The following ADGRD1 variants were observed in gnomAD, a reference collection of about 807,000 sequenced individuals.
ADGRD1 encodes the protein G-protein coupled receptor 133.
In ADGRD1, 77 loss-of-function variants were observed where a neutral mutation model predicts 113.4. The observed-to-expected ratio is 0.68, with a 90% CI of 0.57 to 0.82. The LOEUF is 0.82. Among genes scored for constraint, ADGRD1 ranks in the 40% least tolerant of loss-of-function variants. The pLI is 0.00. For synonymous variants in ADGRD1, 474 were observed against 475.0 expected, an observed-to-expected ratio of 1.00 and a Z score of 0.03; for missense variants, 1,036 against 1,139.1, an observed-to-expected ratio of 0.91 and a Z score of 1.30.
Position 131,096,656 on chromosome 12 carries a change from A to C in ADGRD1, c.1672-8175A>C, listed in dbSNP as rs562893490. On this transcript the variant is annotated intron_variant, in intron 15 of 24. Transcript: ENST00000261654. This position sits in a 1 kb window ranked among gnomAD's most constrained non-coding sequence, Gnocchi z 5.2. ...TTACATCCCGCCTCCATCTGTGAGG[A>C]TGGGTTCCCGTGGGGCACTGCCGGT... Among the ~76,000 whole-genome samples, 1 of 151,938 alleles carries C rather than the reference A, an allele frequency of 6.6e-6. No homozygotes were observed. The highest frequency in any genetic ancestry group is 2.1e-4 in the South Asian group (1 of 4,728).
Position 131,048,514 on chromosome 12 carries a change from G to C in ADGRD1, c.1474-28287G>C, listed in dbSNP as rs563814522. Among the ~76,000 whole-genome samples, 254 of 152,338 alleles carry C rather than the reference G, an allele frequency of 1.7e-3. 2 individuals are homozygous for C. Among genetic ancestry groups the C allele is most frequent in the African/African-American group, 5.7e-3 (239 of 41,586 alleles). ...CAGCCTACGGGAAGCGCTGAGATGGGTGTGTGCATGTGGGGCGTGGCCACC... is the reference window on the plus strand; with the variant it reads ...CAGCCTACGGGAAGCGCTGAGATGGCTGTGTGCATGTGGGGCGTGGCCACC... On this transcript the variant is annotated intron_variant, in intron 13 of 24. Coordinates refer to ENST00000261654, the MANE Select transcript of ADGRD1 (RefSeq NM_198827.5).
chr12:131,134,959 AG>A (rs1173329817), intron 21 of ADGRD1, among the ~76,000 whole-genome samples: 3 of 152,350 alleles, frequency 2.0e-5, no homozygotes, highest in African/African-American at 7.2e-5. Flanking sequence ...CTGAGTGATG[AG>A]GGGTAAACCG....
intron 13 of ADGRD1, among the ~76,000 whole-genome samples, chr12:131,038,290 C>T (rs1264454319): frequency 6.6e-6 from 1 of 152,240 alleles, no homozygotes; most frequent in African/African-American, 2.4e-5. Flanking sequence ...GCCGGGAGGG[C>T]CTGTGCGCTG....
At chr12:131,037,666 T>C (rs1227288304) in intron 13 of ADGRD1, among the ~76,000 whole-genome samples, 15 of 38,140 alleles carry the variant, frequency 3.9e-4, no homozygotes, top group Admixed American at 5.1e-4. Context: ...GCACCGGGTC[T>C]CACTCACTGC....
chr12:131,098,168 C>CCT (rs1566107458), intron 15 of ADGRD1, among the ~76,000 whole-genome samples: 1 of 146,584 alleles, frequency 6.8e-6, no homozygotes, highest in Non-Finnish European at 1.5e-5. Flanking sequence ...CTTCCTTCTC[C>CCT]CGCAGTGGCT....
At position 131,082,009 on chromosome 12, in the gene ADGRD1, T is replaced by C. The variant is rs149072612; in HGVS notation, c.1548-2531T>C. ...AAAAGCAAGTGTTCCCTTTGATCTT[T>C]ACCTCTTATCCTGATCTCCACCCCT... On this transcript the variant is annotated intron_variant, in intron 14 of 24. Transcript: ENST00000261654. Among the ~76,000 whole-genome samples, 8 of 152,288 alleles carry C rather than the reference T, an allele frequency of 5.3e-5. No homozygotes were observed. The East Asian group carries it at 1.2e-3, about 22-fold the overall frequency.
intron 16 of ADGRD1, 33 bp downstream of exon 16, chr12:131,104,967 TC>T: frequency 7.1e-7 from 1 of 1,402,614 alleles, no homozygotes; most frequent in Non-Finnish European, 9.8e-7. Context: ...CCCAACAGTC[TC>T]TCGGCCCCTG....
At position 130,991,067 on chromosome 12, in the gene ADGRD1, G is replaced by T. The variant is rs765727307; in HGVS notation, c.799G>T (p.Ala267Ser). The T allele has an allele frequency of 1.2e-6, 2 of 1,613,842 alleles. No homozygotes were observed. The highest frequency in any genetic ancestry group is 4.5e-5 in the East Asian group (2 of 44,870). ...GCCAAGCCTCTTCATGACATCCACA[G>T]CAAGCCCCGTGGTGAGCAGACACAT... ...TLPSLFMTST[A>S]SPVMPTDAYH... Residue 267 changes from alanine (A) to serine (S), a missense_variant, in exon 7 of 25, where the codon GCA (alanine) becomes TCA (serine). Ala to Ser is a moderately conservative substitution (Grantham distance 99). Transcript: ENST00000261654.
intron 2 of ADGRD1, among the ~76,000 whole-genome samples, chr12:130,955,726 C>T (rs1042702658): frequency 2.0e-5 from 3 of 152,162 alleles, no homozygotes; most frequent in Non-Finnish European, 2.9e-5. Context: ...CCCCCCCGAG[C>T]GCTATTGTAT....
intron 15 of ADGRD1, among the ~76,000 whole-genome samples, chr12:131,102,914 C>T (rs1300413449): frequency 6.6e-6 from 1 of 152,224 alleles, no homozygotes; most frequent in African/African-American, 2.4e-5. Flanking sequence ...CAGCCATTCT[C>T]CTGAGGGGAC....
chr12:131,084,441 AGTTCACGGGGCCATGT>A lies in ADGRD1; in HGVS notation c.1548-95_1548-80del. The A allele has an allele frequency of 7.5e-7, 1 of 1,326,238 alleles. No homozygotes were observed. Among genetic ancestry groups the A allele is most frequent in the South Asian group, 1.2e-5 (1 of 81,616 alleles). The allele number at this position is 1,326,238 out of a possible 1,614,324, so 82.2% of individuals were successfully genotyped here. On this transcript the variant is annotated intron_variant, in intron 14 of 24. Transcript: ENST00000261654. The surrounding 1 kb of genome is among the most constrained non-coding windows in gnomAD (Gnocchi z 4.5). ...CGTGGCAGGTGTGGGCGCCGCCATG[AGTTCACGGGGCCATGT>A]GTTATGGGGGGTGCTGCTCTCAGTC...
intron 17 of ADGRD1, among the ~76,000 whole-genome samples, 161 bp from the exon 18 acceptor site, chr12:131,108,563 C>A (rs1950283359): frequency 6.6e-6 from 1 of 152,126 alleles, no homozygotes; most frequent in Admixed American, 6.5e-5. Context: ...AGCGCTACAC[C>A]CAAATCCCTG....
chr12:130,992,137 ATT>A, intron 7 of ADGRD1, 98 bp from the exon 8 acceptor site: 2 of 784,958 alleles, frequency 2.5e-6, no homozygotes. Flanking sequence ...AAAAAAAAAA[ATT>A]AAAAAAAGCA....
Position 130,966,461 on chromosome 12 carries a change from A to G in ADGRD1, c.104-2A>G. 1.3e-6 allele frequency: 2 copies of G among 1,598,926 alleles called. No individual in the cohort carries two copies. The highest frequency in any genetic ancestry group is 8.6e-7 in the Non-Finnish European group (1 of 1,166,196). ...TAAAATTTTTATTCTTTTTTCCCCA[A>G]GGATTTCAGGTGTTGGCGTCTGCTT... On this transcript the variant is annotated splice_acceptor_variant, in intron 2 of 24. Coordinates refer to ENST00000261654, the MANE Select transcript of ADGRD1 (RefSeq NM_198827.5). LOFTEE classifies it high-confidence loss of function. The surrounding 1 kb of genome is among the most constrained non-coding windows in gnomAD (Gnocchi z 4.6).
intron 4 of ADGRD1, among the ~76,000 whole-genome samples, chr12:130,979,952 C>T (rs888622590): frequency 3.9e-5 from 6 of 152,162 alleles, no homozygotes; most frequent in East Asian, 3.8e-4. Flanking sequence ...CAAAATGCAA[C>T]GCCAGAGAGG....
intron 21 of ADGRD1, among the ~76,000 whole-genome samples, chr12:131,132,534 C>G (rs1264090687): frequency 4.8e-5 from 7 of 146,654 alleles, no homozygotes; most frequent in African/African-American, 7.4e-5. Flanking sequence ...CAGCACCGGG[C>G]CCAGCTCGCC....
Position 130,966,598 on chromosome 12 carries a change from T to C in ADGRD1, c.187+52T>C, listed in dbSNP as rs762049716. On this transcript the variant is annotated intron_variant, in intron 3 of 24. Coordinates refer to ENST00000261654, the MANE Select transcript of ADGRD1 (RefSeq NM_198827.5). This position sits in a 1 kb window ranked among gnomAD's most constrained non-coding sequence, Gnocchi z 4.6. ...TGTGGGCGCGGGAATCCCAGGGCCATCAGGAGGCGTGGGTGCTGAGAGTGG... is the reference window on the plus strand; with the variant it reads ...TGTGGGCGCGGGAATCCCAGGGCCACCAGGAGGCGTGGGTGCTGAGAGTGG... 2.7e-6 allele frequency: 3 copies of C among 1,110,312 alleles called. No homozygotes were observed. The highest frequency in any genetic ancestry group is 1.7e-5 in the Admixed American group (1 of 59,192). 68.8% of individuals were successfully genotyped at this position (1,110,312 alleles called of 1,614,324 possible). A position where few individuals can be genotyped will look rare whatever the true frequency, so the allele number is the denominator to read the frequency against.
At chr12:131,038,391 G>A (rs866341856) in intron 13 of ADGRD1, among the ~76,000 whole-genome samples, 2 of 152,232 alleles carry the variant, frequency 1.3e-5, no homozygotes, top group Non-Finnish European at 2.9e-5. Context: ...TGCCACCTCC[G>A]GGTTGTTAGG....
At chr12:131,095,113 C>A (rs1256184946) in intron 15 of ADGRD1, among the ~76,000 whole-genome samples, 1 of 152,216 alleles carries the variant, frequency 6.6e-6, no homozygotes, top group Non-Finnish European at 1.5e-5. Context: ...CCATCTCTCC[C>A]TTCAGTCCCC....
Sources: allele counts gnomAD v4.1 joint callset (sites outside exome capture counted in the v4.1 genomes callset), GRCh38; gene constraint gnomAD v4.1.1; non-coding constraint Gnocchi (gnomAD v3.1); transcripts MANE v1.5; gene names NCBI Gene and HGNC (gene_info 2026-07-23, HGNC 2026-07-21).